The following SEM1 variants were observed in gnomAD, a reference collection of about 807,000 sequenced individuals.
SEM1 encodes the protein SEM1 26S proteasome subunit, also known as 26S proteasome complex subunit SEM1.
A neutral mutation model predicts 12.7 loss-of-function variants in SEM1; 3 were observed. That is an observed-to-expected ratio of 0.24 (90% CI 0.11 to 0.61). The LOEUF (loss-of-function observed/expected upper bound fraction) is 0.61, where lower values mean the gene tolerates loss of function less well. Ranked by LOEUF, SEM1 falls within the 20% of genes least tolerant of loss-of-function variation. The probability of loss-of-function intolerance (pLI) is 0.88; values close to 1 mark genes in which losing one functional copy is unlikely to be tolerated. For missense variants in SEM1, 59 were observed against 81.3 expected (o/e 0.73, Z 1.06); for synonymous variants, 30 against 27.8 (o/e 1.08, Z -0.25).
chr7:96,608,050 T>C lies in SEM1; in HGVS notation c.170+86748A>G, dbSNP rs116112144. ...ATATAAACACTCTGATGATGGTATGTGTGGGGTTCCTTTTGGAACTGAAGA... is the reference window on the plus strand; with the variant it reads ...ATATAAACACTCTGATGATGGTATGCGTGGGGTTCCTTTTGGAACTGAAGA... On this transcript the variant is annotated intron_variant and NMD_transcript_variant, in intron 2 of 3. Coordinates refer to the SEM1 transcript ENST00000466986. Among the ~76,000 whole-genome samples the C allele has an allele frequency of 3.9e-3, 598 of 152,272 alleles. 8 individuals carry two copies. The highest frequency in any genetic ancestry group is 0.014 in the African/African-American group (570 of 41,544).
At chr7:96,502,201 A>G (rs1042097057) in intron 3 of SEM1, among the ~76,000 whole-genome samples, 17 of 152,184 alleles carry the variant, frequency 1.1e-4, no homozygotes, top group Non-Finnish European at 1.6e-4. Flanking sequence ...AAGTAAGCTT[A>G]GAGAGGTTAA....
At chr7:96,661,747 G>A (rs1417318585) in intron 2 of SEM1, among the ~76,000 whole-genome samples, 5 of 152,116 alleles carry the variant, frequency 3.3e-5, no homozygotes, top group Non-Finnish European at 1.5e-5. Context: ...CAGCACTTTG[G>A]GAGGCCGAGG....
chr7:96,664,890 C>A (rs1458892285), intron 2 of SEM1, among the ~76,000 whole-genome samples: 2 of 152,148 alleles, frequency 1.3e-5, no homozygotes, highest in African/African-American at 4.8e-5. Context: ...ACCACAGATA[C>A]ACGAAATAAA....
chr7:96,693,909 T>C (rs1355357963), intron 2 of SEM1, among the ~76,000 whole-genome samples: 2 of 151,964 alleles, frequency 1.3e-5, no homozygotes, highest in East Asian at 1.9e-4. Flanking sequence ...ACAGTCTGAA[T>C]GTCCATCAAC....
At chr7:96,489,211 T>C (rs374226586) in intron 1 of SEM1, among the ~76,000 whole-genome samples, 4 of 152,282 alleles carry the variant, frequency 2.6e-5, no homozygotes, top group South Asian at 4.1e-4. Flanking sequence ...AAAATATGTC[T>C]GCCTATTGCT....
upstream of SEM1, among the ~76,000 whole-genome samples, chr7:96,500,180 A>G (rs1458813248): frequency 6.6e-6 from 1 of 152,046 alleles, no homozygotes; most frequent in South Asian, 2.1e-4. Flanking sequence ...ACACTGGACT[A>G]AAAAGAGAGA....
chr7:96,572,982 T>C (rs1806086210), intron 2 of SEM1, among the ~76,000 whole-genome samples: 1 of 152,210 alleles, frequency 6.6e-6, no homozygotes, highest in Non-Finnish European at 1.5e-5. Context: ...AGGGTGCATA[T>C]ATATTTAGGA....
intron 2 of SEM1, among the ~76,000 whole-genome samples, chr7:96,574,485 G>GT (rs1167147866): frequency 6.6e-6 from 1 of 152,176 alleles, no homozygotes; most frequent in Non-Finnish European, 1.5e-5. Context: ...GGTATTTCTA[G>GT]TTGTAGATCT....
chr7:96,671,186 G>A (rs1789306685), downstream of SEM1, among the ~76,000 whole-genome samples: 1 of 152,158 alleles, frequency 6.6e-6, no homozygotes, highest in African/African-American at 2.4e-5. Flanking sequence ...AAAACAACCT[G>A]TTTCAAAACA....
chr7:96,707,450 A>C (rs149797100), intron 1 of SEM1, among the ~76,000 whole-genome samples: 2 of 152,340 alleles, frequency 1.3e-5, no homozygotes, highest in Non-Finnish European at 2.9e-5. Context: ...GAGAAACTTG[A>C]ACAAAATAAA....
intron 2 of SEM1, among the ~76,000 whole-genome samples, chr7:96,676,925 A>G (rs1317345382): frequency 6.6e-6 from 1 of 152,158 alleles, no homozygotes; most frequent in Non-Finnish European, 1.5e-5. Flanking sequence ...CTTTCATGTT[A>G]CTTTAAGACA....
chr7:96,523,052 T>G (rs1804337205), intron 2 of SEM1, among the ~76,000 whole-genome samples: 1 of 152,162 alleles, frequency 6.6e-6, no homozygotes. Flanking sequence ...CAGCTTTGTG[T>G]TATTTGCCTA....
chr7:96,504,887 G>T (rs141167236), intron 3 of SEM1, among the ~76,000 whole-genome samples: 16 of 151,528 alleles, frequency 1.1e-4, no homozygotes, highest in African/African-American at 3.9e-4. Context: ...AAGACACAAG[G>T]TTGTTTTTCC....
intron 2 of SEM1, among the ~76,000 whole-genome samples, chr7:96,604,269 GA>G (rs1807277694): frequency 6.6e-6 from 1 of 152,064 alleles, no homozygotes; most frequent in Non-Finnish European, 1.5e-5. Context: ...ATATGATAGG[GA>G]CATGAGACTT....
intron 2 of SEM1, among the ~76,000 whole-genome samples, chr7:96,575,972 G>A (rs1214294720): frequency 3.9e-5 from 6 of 152,146 alleles, no homozygotes; most frequent in Non-Finnish European, 8.8e-5. Context: ...ATTTATCTTT[G>A]TATATGTTAA....
intron 2 of SEM1, among the ~76,000 whole-genome samples, chr7:96,485,793 G>T (rs1802730281): frequency 6.6e-6 from 1 of 151,910 alleles, no homozygotes; most frequent in African/African-American, 2.4e-5. Flanking sequence ...GTCCACCTCG[G>T]CCTTGCAAAG....
chr7:96,499,645 A>C (rs1428242413), upstream of SEM1, among the ~76,000 whole-genome samples: 1 of 152,096 alleles, frequency 6.6e-6, no homozygotes, highest in African/African-American at 2.4e-5. Flanking sequence ...CATGTACTTA[A>C]CAAATAAACA....
At chr7:96,636,376 C>A (rs1808426177) in intron 2 of SEM1, among the ~76,000 whole-genome samples, 1 of 151,876 alleles carries the variant, frequency 6.6e-6, no homozygotes, top group Admixed American at 6.6e-5. Context: ...AGCAACGTTA[C>A]TAGAGTGGTA....
intron 2 of SEM1, among the ~76,000 whole-genome samples, chr7:96,538,202 T>C (rs1804845404): frequency 6.6e-6 from 1 of 151,804 alleles, no homozygotes; most frequent in East Asian, 1.9e-4. Context: ...TTGAGTGTTG[T>C]TTACTTTTTC....
Sources: allele counts gnomAD v4.1 joint callset (sites outside exome capture counted in the v4.1 genomes callset), GRCh38; gene constraint gnomAD v4.1.1; transcripts MANE v1.5; gene names NCBI Gene and HGNC (gene_info 2026-07-23, HGNC 2026-07-21).